PDZD9: variants seen among roughly 807,000 people sequenced by gnomAD.
PDZD9 encodes PDZ domain-containing protein 9.
A neutral mutation model predicts 16.3 loss-of-function variants in PDZD9; 13 were observed. That is an observed-to-expected ratio of 0.80 (90% CI 0.52 to 1.27). The LOEUF is 1.27. Ranked by LOEUF, PDZD9 falls within the 50% of genes most tolerant of loss-of-function variation. PDZD9 has a pLI of 0.00. For synonymous variants in PDZD9, 120 were observed against 111.0 expected, an observed-to-expected ratio of 1.08 and a Z score of -0.51; for missense variants, 288 against 310.9, an observed-to-expected ratio of 0.93 and a Z score of 0.55.
At position 22,001,041 on chromosome 16, in the gene PDZD9, T is replaced by C; in HGVS notation, c.7A>G (p.Lys3Glu). The change falls in exon 1 of 4, where the codon AAG becomes GAG. Residue 3 changes from lysine (K) to glutamate (E), a missense_variant. Lys to Glu is a moderately conservative substitution (Grantham distance 56, BLOSUM62 1). Transcript: ENST00000424898. Reference sequence around the variant, plus strand: ...CCTTTTTTGTTTTTGTGGGAGGCCTTCTGCATGGTCCCGGGAGGTCAGGCA... The same window carrying C: ...CCTTTTTTGTTTTTGTGGGAGGCCTCCTGCATGGTCCCGGGAGGTCAGGCA... MQ[K>E]ASHKNKKERG... The C allele has an allele frequency of 6.5e-7, 1 of 1,532,206 alleles. No individual in the cohort carries two copies. The highest frequency in any genetic ancestry group is 8.7e-7 in the Non-Finnish European group (1 of 1,145,454). The allele number at this position is 1,532,206 out of a possible 1,614,324, so 94.9% of individuals were successfully genotyped here.
At chr16:21,981,403 T>G (rs1898723552), downstream of PDZD9, among the ~76,000 whole-genome samples, 3 of 152,156 alleles carry the variant, frequency 2.0e-5, 1 homozygote. Flanking sequence ...TGTAGATGTC[T>G]CGGCCATCTT....
the PDZD9 span, chr16:21,957,713 A>C: frequency 8.2e-7 from 1 of 1,214,810 alleles, no homozygotes; most frequent in East Asian, 2.4e-5. Flanking sequence ...AAACCAAATA[A>C]GTTTATCCTG....
chr16:21,983,463 T>A, downstream of PDZD9: 1 of 386,282 alleles, frequency 2.6e-6, no homozygotes, highest in South Asian at 1.2e-4. Context: ...TATAGAAGCA[T>A]CAGAAACTAT....
intron 3 of PDZD9, among the ~76,000 whole-genome samples, chr16:21,986,118 C>T (rs1242699893): frequency 6.6e-6 from 1 of 152,124 alleles, no homozygotes; most frequent in Non-Finnish European, 1.5e-5. Context: ...CTTGGCCTAC[C>T]CAGAGCGTTA....
At chr16:21,985,119 T>TA (rs1289435711) in intron 3 of PDZD9, among the ~76,000 whole-genome samples, 2 of 152,024 alleles carry the variant, frequency 1.3e-5, no homozygotes, top group Admixed American at 6.6e-5. Flanking sequence ...TAGTAAGTCT[T>TA]AGAGTCTTTT....
At chr16:22,000,383 A>C (rs2141966175) in intron 1 of PDZD9, among the ~76,000 whole-genome samples, 1 of 151,918 alleles carries the variant, frequency 6.6e-6, no homozygotes, top group African/African-American at 2.4e-5. Context: ...GCTGTAAAAA[A>C]CAGATGGGGG....
the PDZD9 span, among the ~76,000 whole-genome samples, chr16:21,968,098 T>G: frequency 2.6e-5 from 4 of 151,348 alleles, no homozygotes; most frequent in African/African-American, 9.7e-5. Context: ...GCCTCCTGGA[T>G]TCAAACAATT....
chr16:21,996,560 C>A, intron 1 of PDZD9, 59 bp from the exon 2 acceptor site: 1 of 1,428,242 alleles, frequency 7.0e-7, no homozygotes, highest in Non-Finnish European at 9.4e-7. Flanking sequence ...ATGGCCATAC[C>A]TACTGGGGTT....
the PDZD9 span, chr16:21,965,276 A>G: frequency 1.4e-6 from 1 of 717,540 alleles, no homozygotes; most frequent in Non-Finnish European, 2.3e-6. Context: ...ATAATAATAA[A>G]TTTTAAGTCC....
chr16:21,978,495 C>G, the PDZD9 span, among the ~76,000 whole-genome samples: 1 of 152,166 alleles, frequency 6.6e-6, no homozygotes, highest in East Asian at 1.9e-4. Context: ...CCGTTGCTTA[C>G]AAGACCTGTA....
chr16:21,985,763 T>G (rs1898862942), intron 3 of PDZD9, among the ~76,000 whole-genome samples: 1 of 152,226 alleles, frequency 6.6e-6, no homozygotes, highest in Admixed American at 6.5e-5. Flanking sequence ...ACCTTGGCAG[T>G]CTGCCTGTTG....
At chr16:21,990,642 T>C (rs1373143731) in intron 2 of PDZD9, among the ~76,000 whole-genome samples, 1 of 152,146 alleles carries the variant, frequency 6.6e-6, no homozygotes, top group Non-Finnish European at 1.5e-5. Context: ...TTAATTACAA[T>C]GGCAAAACAA....
chr16:21,971,073 A>G, the PDZD9 span, among the ~76,000 whole-genome samples: 45 of 152,132 alleles, frequency 3.0e-4, 1 homozygote, highest in Non-Finnish European at 2.9e-5. Flanking sequence ...TTGATGGACA[A>G]TGCAATGTTG....
At chr16:21,962,194 T>C in the PDZD9 span, 7 of 439,602 alleles carry the variant, frequency 1.6e-5, no homozygotes, top group Admixed American at 1.7e-4. Context: ...TGTGACTGGC[T>C]TATTATCCTT....
intron 2 of PDZD9, among the ~76,000 whole-genome samples, chr16:21,994,169 A>G (rs1899089493): frequency 6.6e-6 from 1 of 152,206 alleles, no homozygotes. Flanking sequence ...GCACTCCAGC[A>G]TGGGTGACAG....
rs1342517038 is a variant in PDZD9, at chr16:21,984,084, G to T, written c.*183C>A. On this transcript the variant is annotated 3_prime_UTR_variant, in exon 4 of 4. Transcript: ENST00000424898. The stretch of plus-strand genomic sequence containing the variant: ...AAAATAAGATTTGTGAGGCCTGCAA[G>T]AACCCAAGGAAGTCTTTAGATAATC... The T allele has an allele frequency of 1.7e-6, 1 of 575,928 alleles. No homozygotes were observed. The highest frequency in any genetic ancestry group is 2.9e-6 in the Non-Finnish European group (1 of 348,034). 35.7% of individuals were successfully genotyped at this position (575,928 alleles called of 1,614,324 possible).
At chr16:21,980,408 G>C (rs1310649256), downstream of PDZD9, 3 of 847,128 alleles carry the variant, frequency 3.5e-6, no homozygotes, top group Non-Finnish European at 5.4e-6. Flanking sequence ...ATTCTTCTTG[G>C]GGAATTCAGG....
the PDZD9 span, among the ~76,000 whole-genome samples, chr16:21,972,702 C>G: frequency 1.3e-5 from 2 of 152,162 alleles, no homozygotes; most frequent in Non-Finnish European, 2.9e-5. Context: ...TGGTGAAACC[C>G]CCATCTCTCC....
chr16:21,989,163 C>T (rs578259054), intron 2 of PDZD9, among the ~76,000 whole-genome samples: 1 of 151,712 alleles, frequency 6.6e-6, no homozygotes, highest in Non-Finnish European at 1.5e-5. Context: ...AAACTCCTGA[C>T]CTCAGGTGAT....
Sources: allele counts gnomAD v4.1 joint callset (sites outside exome capture counted in the v4.1 genomes callset), GRCh38; gene constraint gnomAD v4.1.1; transcripts MANE v1.5; gene names NCBI Gene and HGNC (gene_info 2026-07-23, HGNC 2026-07-21).